ZNF407: variants seen among roughly 807,000 people sequenced by gnomAD.
ZNF407 encodes the protein zinc finger protein 407.
Under a neutral mutation model 131.2 loss-of-function variants are expected in ZNF407, and 17 were observed. The ratio of observed to expected loss-of-function variants is 0.13; its 90% confidence interval spans 0.09 to 0.19. The LOEUF is 0.19. Ranked by LOEUF, ZNF407 falls within the 10% of genes least tolerant of loss-of-function variation. The probability of loss-of-function intolerance (pLI) is 1.00; values close to 1 mark genes in which losing one functional copy is unlikely to be tolerated. For synonymous variants in ZNF407, 1,156 were observed against 1,062.0 expected (o/e 1.09, Z -1.72); for missense variants, 2,681 against 2,830.6 (o/e 0.95, Z 1.20).
intron 3 of ZNF407, among the ~76,000 whole-genome samples, chr18:74,683,385 G>A (rs951137839): frequency 2.0e-5 from 3 of 152,084 alleles, no homozygotes; most frequent in African/African-American, 7.2e-5. Flanking sequence ...CAAACTATTA[G>A]GTCTGATATT....
chr18:74,753,458 GT>G (rs1968854301), intron 3 of ZNF407, among the ~76,000 whole-genome samples: 1 of 152,148 alleles, frequency 6.6e-6, no homozygotes, highest in Non-Finnish European at 1.5e-5. Flanking sequence ...CATGCTTCCA[GT>G]TTTTGCCCAT....
intron 4 of ZNF407, among the ~76,000 whole-genome samples, chr18:74,815,880 G>T (rs1297125059): frequency 1.3e-5 from 2 of 152,126 alleles, no homozygotes; most frequent in South Asian, 4.1e-4. Flanking sequence ...CTTTGATTAT[G>T]TTGCTTTCTT....
intron 4 of ZNF407, among the ~76,000 whole-genome samples, chr18:74,811,922 C>T (rs965675154): frequency 7.3e-5 from 11 of 151,428 alleles, no homozygotes; most frequent in Admixed American, 1.3e-4. Context: ...AGGAGATATA[C>T]CTAATGCTAA....
chr18:75,023,045 T>G (rs1484584515), intron 8 of ZNF407, among the ~76,000 whole-genome samples: 1 of 152,102 alleles, frequency 6.6e-6, no homozygotes, highest in Non-Finnish European at 1.5e-5. Context: ...TGGATGGAGC[T>G]GGAAGCCATT....
At chr18:74,880,745 A>C (rs1055869652) in intron 5 of ZNF407, among the ~76,000 whole-genome samples, 1 of 152,226 alleles carries the variant, frequency 6.6e-6, no homozygotes, top group Non-Finnish European at 1.5e-5. Context: ...AAACTGTTCA[A>C]GTGCATAAAG....
chr18:74,680,544 G>A (rs1966959255), intron 3 of ZNF407, among the ~76,000 whole-genome samples: 1 of 152,078 alleles, frequency 6.6e-6, no homozygotes, highest in Non-Finnish European at 1.5e-5. Flanking sequence ...AGTGCTTATT[G>A]TATGCGGTTT....
intron 4 of ZNF407, among the ~76,000 whole-genome samples, chr18:74,856,343 G>A (rs1423409438): frequency 6.6e-6 from 1 of 152,150 alleles, no homozygotes; most frequent in Non-Finnish European, 1.5e-5. Flanking sequence ...TAAACTTCAT[G>A]GGTTTGCCCC....
chr18:74,816,365 ACC>A (rs1463354787), intron 4 of ZNF407, among the ~76,000 whole-genome samples: 2 of 152,166 alleles, frequency 1.3e-5, no homozygotes, highest in African/African-American at 4.8e-5. Flanking sequence ...AATCAGAAAG[ACC>A]TTTTGGGTCA....
At position 74,632,477 on chromosome 18, in the gene ZNF407, G is replaced by A. The variant is rs775209158; in HGVS notation, c.1458G>A (p.Val486=). 6.2e-7 allele frequency: 1 copy of A among 1,614,058 alleles called. No individual in the cohort carries two copies. The highest frequency in any genetic ancestry group is 1.1e-5 in the South Asian group (1 of 91,088). ...AACACCTGGAAGCGTGCAGCAGTGT[G>A]CAGAGAGTGTGTGTGACTACCTCAG... ...VLKHLEACSS[V]QRVCVTTSET... is the part of the protein sequence containing the mutation. Residue 486 remains valine, a synonymous_variant, in exon 2 of 9, where the codon GTG becomes GTA. Transcript: ENST00000299687.
intron 4 of ZNF407, among the ~76,000 whole-genome samples, chr18:74,800,691 A>G (rs982505533): frequency 1.3e-5 from 2 of 152,182 alleles, no homozygotes; most frequent in Non-Finnish European, 1.5e-5. Context: ...TTGGAAGCAT[A>G]TATAAACTCA....
chr18:74,853,048 A>G (rs2145149154), intron 4 of ZNF407, among the ~76,000 whole-genome samples: 1 of 152,288 alleles, frequency 6.6e-6, no homozygotes, highest in South Asian at 2.1e-4. Flanking sequence ...CTAAGTGTGG[A>G]TCATGTTGGC....
At chr18:74,916,651 T>TGC (rs1971772895) in intron 7 of ZNF407, among the ~76,000 whole-genome samples, 1 of 116,074 alleles carries the variant, frequency 8.6e-6, no homozygotes, top group Non-Finnish European at 1.8e-5. Context: ...TGTGTGTGTG[T>TGC]GCATGTGTGT....
chr18:74,937,748 G>T (rs1394372133), intron 8 of ZNF407, among the ~76,000 whole-genome samples: 2 of 152,116 alleles, frequency 1.3e-5, no homozygotes, highest in East Asian at 3.8e-4. Context: ...TGTTGGATTT[G>T]CTTAGCAAAA....
chr18:74,968,962 G>A lies in ZNF407; in HGVS notation c.5428+48270G>A, dbSNP rs577594721. On this transcript the variant is annotated intron_variant, in intron 8 of 8. Transcript: ENST00000299687. ...GGGCTCTGTGCATTTTGTTCCAGCC[G>A]GCTTTTTCTCTCTGCCCCTCTGTTG... Among the ~76,000 whole-genome samples, 11 of 152,138 alleles carry A rather than the reference G, an allele frequency of 7.2e-5. No individual in the cohort carries two copies. The South Asian group carries it at 1.9e-3, about 26-fold the overall frequency.
At chr18:74,615,585 G>T (rs1416840866) in intron 1 of ZNF407, among the ~76,000 whole-genome samples, 1 of 152,138 alleles carries the variant, frequency 6.6e-6, no homozygotes, top group Non-Finnish European at 1.5e-5. Context: ...ATTCTTGTTG[G>T]GTTGGTTCTA....
At chr18:75,016,566 G>A (rs187408917) in intron 8 of ZNF407, among the ~76,000 whole-genome samples, 8 of 152,202 alleles carry the variant, frequency 5.3e-5, no homozygotes, top group Admixed American at 3.9e-4. Context: ...CACAGCAAGT[G>A]AAGTTTAATG....
At chr18:74,782,405 A>G (rs1292675190) in intron 4 of ZNF407, among the ~76,000 whole-genome samples, 1 of 152,104 alleles carries the variant, frequency 6.6e-6, no homozygotes, top group East Asian at 1.9e-4. Flanking sequence ...TTCTCTGTTA[A>G]TGGGAATTTA....
chr18:74,907,971 ACCTTGATC>A (rs1971618920), intron 7 of ZNF407, among the ~76,000 whole-genome samples: 1 of 152,054 alleles, frequency 6.6e-6, no homozygotes, highest in African/African-American at 2.4e-5. Context: ...GTTTTTAGAG[ACCTTGATC>A]ACTGTGTAAT....
chr18:75,013,477 G>T (rs1973007452), intron 8 of ZNF407, among the ~76,000 whole-genome samples: 1 of 152,026 alleles, frequency 6.6e-6, no homozygotes, highest in South Asian at 2.1e-4. Flanking sequence ...CCCCTAAGAG[G>T]TTTTGTCTAA....
Sources: allele counts gnomAD v4.1 joint callset (sites outside exome capture counted in the v4.1 genomes callset), GRCh38; gene constraint gnomAD v4.1.1; transcripts MANE v1.5; gene names NCBI Gene and HGNC (gene_info 2026-07-23, HGNC 2026-07-21).